Variants in VCL observed in about 807,000 individuals in gnomAD.
The protein encoded by VCL is vinculin, also known as epididymis luminal protein 114.
VCL carries 47 observed loss-of-function variants against 125.7 expected under a neutral mutation model. The observed-to-expected ratio is 0.37, with a 90% CI of 0.30 to 0.48. The LOEUF is 0.48. Among genes scored for constraint, VCL ranks in the 20% least tolerant of loss-of-function variants. The pLI, the probability that VCL is intolerant of heterozygous loss-of-function variation, is 0.99. For missense variants in VCL, 1,069 were observed against 1,455.5 expected (o/e 0.73, Z 4.32); for synonymous variants, 458 against 514.6 (o/e 0.89, Z 1.49).
chr10:74,057,577 C>G (rs758064608), intron 2 of VCL, among the ~76,000 whole-genome samples: 9 of 152,084 alleles, frequency 5.9e-5, no homozygotes, highest in Non-Finnish European at 1.2e-4. Flanking sequence ...AGGGTCTGGA[C>G]TTTAATATTA....
At chr10:74,073,711 GT>G (rs759460089) in intron 5 of VCL, among the ~76,000 whole-genome samples, 11 of 152,192 alleles carry the variant, frequency 7.2e-5, no homozygotes, top group Non-Finnish European at 1.5e-4. Flanking sequence ...TGCAAACATG[GT>G]AGCTGCTCTC....
intron 1 of VCL, among the ~76,000 whole-genome samples, chr10:74,031,302 ATCTC>A (rs1436198996): frequency 6.6e-6 from 1 of 151,926 alleles, no homozygotes; most frequent in African/African-American, 2.4e-5. Flanking sequence ...TAGTCTCTGT[ATCTC>A]TCTCCAGATT....
chr10:74,101,222 G>A (rs1271709738), intron 14 of VCL, 125 bp downstream of exon 14: 2 of 1,361,762 alleles, frequency 1.5e-6, no homozygotes, highest in Non-Finnish European at 2.0e-6. Context: ...CAGCACGGTA[G>A]CACCTATAAT....
chr10:74,007,347 A>T (rs1382986603), intron 1 of VCL, among the ~76,000 whole-genome samples: 7 of 152,180 alleles, frequency 4.6e-5, no homozygotes, highest in South Asian at 2.1e-4. Flanking sequence ...AATGGGTAGG[A>T]TAGGAATATC....
At chr10:74,004,865 T>C (rs11815936) in intron 1 of VCL, among the ~76,000 whole-genome samples, 114,717 of 151,892 alleles carry the variant, frequency 0.76, 44,256 homozygotes, top group Middle Eastern at 0.81. Flanking sequence ...CCACCATGCC[T>C]GGCTAATTTT....
At position 74,100,765 on chromosome 10, in the gene VCL, C is replaced by T. The variant is rs149008791; in HGVS notation, c.1873-183C>T. Among the ~76,000 whole-genome samples the T allele has an allele frequency of 3.0e-3, 453 of 152,236 alleles. No homozygotes were observed. Among genetic ancestry groups the T allele is most frequent in the Non-Finnish European group, 4.5e-3 (307 of 68,010 alleles). On this transcript the variant is annotated intron_variant, in intron 13 of 21. Transcript: ENST00000211998. ...TTTGCACATGATGGTGATGGCTAAA[C>T]GTCTGAGGAGATCCATCAAGGCCAG...
In VCL at chr10:74,011,904, A is replaced by T. The variant is rs543414594; in HGVS notation, c.168+13529A>T. On this transcript the variant is annotated intron_variant, in intron 1 of 21. Coordinates refer to ENST00000211998, the MANE Select transcript of VCL (RefSeq NM_014000.3). ...TGTTTTACAAATGTTGTTAAGCTGCAGAAAATAGAGTCTTTGGCCCTTAGA... is the reference window on the plus strand; with the variant it reads ...TGTTTTACAAATGTTGTTAAGCTGCTGAAAATAGAGTCTTTGGCCCTTAGA... Among the ~76,000 whole-genome samples the T allele has an allele frequency of 2.6e-5, 4 of 152,336 alleles. No homozygotes were observed. In the South Asian group the frequency reaches 8.3e-4, roughly 32 times the overall value.
At chr10:74,074,598 T>C in intron 5 of VCL, 145 bp from the exon 6 acceptor site, 4 of 891,866 alleles carry the variant, frequency 4.5e-6, no homozygotes, top group South Asian at 1.7e-5. Flanking sequence ...TGGAACTTTA[T>C]TGTCAAACTT....
Position 74,071,195 on chromosome 10 carries a change from C to A in VCL, c.499+112C>A. ...AGAAGATAGGTGAAGATGCATTGGG[C>A]TTTCAGGTGTCTGCTCTGTTGATGG... On this transcript the variant is annotated intron_variant, in intron 4 of 21. Transcript: ENST00000211998. The surrounding 1 kb of genome is among the most constrained non-coding windows in gnomAD (Gnocchi z 4.1). 2 of 931,538 alleles carry A rather than the reference C, an allele frequency of 2.1e-6. No individual in the cohort carries two copies. Among genetic ancestry groups the A allele is most frequent in the Non-Finnish European group, 3.5e-6 (2 of 577,916 alleles). 57.7% of individuals were successfully genotyped at this position (931,538 alleles called of 1,614,324 possible).
rs145001500 is a variant in VCL, at chr10:74,003,935, G to A, written c.168+5560G>A. ...AGGGTTTCACTATATTTCCAAGGCT[G>A]GTCTTGAACTCCTGGCCTCAAACAA... On this transcript the variant is annotated intron_variant, in intron 1 of 21. Transcript: ENST00000211998. 3.3e-3 allele frequency among the ~76,000 whole-genome samples: 495 copies of A among 152,136 alleles called. 2 individuals carry two copies. The highest frequency in any genetic ancestry group is 0.011 in the African/African-American group (470 of 41,504).
chr10:74,108,162 C>T (rs566019400), intron 17 of VCL, among the ~76,000 whole-genome samples: 1 of 152,228 alleles, frequency 6.6e-6, no homozygotes, highest in African/African-American at 2.4e-5. Flanking sequence ...ATCTTAGATT[C>T]TTCCCAGCTG....
At chr10:74,112,231 C>T in intron 19 of VCL, 119 bp downstream of exon 19, 1 of 1,279,188 alleles carries the variant, frequency 7.8e-7, no homozygotes. Context: ...GGGCGGGCAT[C>T]TGTCTGTCTG....
intron 2 of VCL, among the ~76,000 whole-genome samples, chr10:74,048,892 G>T (rs1234337362): frequency 6.6e-6 from 1 of 152,140 alleles, no homozygotes; most frequent in Non-Finnish European, 1.5e-5. Flanking sequence ...AGGCCGAGGC[G>T]GGGGGATTGT....
chr10:74,007,527 G>T (rs953708894), intron 1 of VCL, among the ~76,000 whole-genome samples: 13 of 152,064 alleles, frequency 8.5e-5, no homozygotes, highest in African/African-American at 2.4e-4. Flanking sequence ...ACGGAGTTTC[G>T]CTCTGTTGCT....
intron 10 of VCL, among the ~76,000 whole-genome samples, chr10:74,092,865 C>T (rs937401994): frequency 6.6e-6 from 1 of 152,292 alleles, no homozygotes; most frequent in Non-Finnish European, 1.5e-5. Flanking sequence ...CTTTTATCCA[C>T]ACTGGACTTT....
intron 2 of VCL, among the ~76,000 whole-genome samples, chr10:74,051,027 C>T (rs1437897365): frequency 1.3e-5 from 2 of 149,184 alleles, no homozygotes; most frequent in African/African-American, 4.9e-5. Context: ...GCAACCTCCA[C>T]CTCCCAGGTT....
chr10:74,085,645 G>A (rs1281227132), intron 8 of VCL, among the ~76,000 whole-genome samples: 2 of 152,044 alleles, frequency 1.3e-5, no homozygotes, highest in African/African-American at 4.8e-5. Flanking sequence ...TGATAATGAA[G>A]TTCTAAAAGA....
Position 73,998,150 on chromosome 10 carries a change from G to T in VCL, c.-58G>T, listed in dbSNP as rs1189528818. Reference sequence around the variant, plus strand: ...ACAGTCTGTCTCTTCGCCGGTTCCCGGCCCCGTGGATCCTACTTCTCTGTC... The same window carrying T: ...ACAGTCTGTCTCTTCGCCGGTTCCCTGCCCCGTGGATCCTACTTCTCTGTC... On this transcript the variant is annotated 5_prime_UTR_variant, in exon 1 of 22. Coordinates refer to ENST00000211998, the MANE Select transcript of VCL (RefSeq NM_014000.3). The T allele has an allele frequency of 6.3e-6, 10 of 1,586,562 alleles. No homozygotes were observed. The highest frequency in any genetic ancestry group is 8.6e-6 in the Non-Finnish European group (10 of 1,166,886).
intron 2 of VCL, among the ~76,000 whole-genome samples, chr10:74,056,256 G>A (rs150218079): frequency 1.5e-4 from 22 of 151,268 alleles, no homozygotes; most frequent in Admixed American, 4.0e-4. Context: ...AGGGTTTGGT[G>A]TTTCCCTTGA....
Sources: allele counts gnomAD v4.1 joint callset (sites outside exome capture counted in the v4.1 genomes callset), GRCh38; gene constraint gnomAD v4.1.1; non-coding constraint Gnocchi (gnomAD v3.1); transcripts MANE v1.5; gene names NCBI Gene and HGNC (gene_info 2026-07-23, HGNC 2026-07-21).